Variants in ARSJ observed in about 807,000 individuals in gnomAD.
The protein encoded by ARSJ is arylsulfatase family member J.
A neutral mutation model predicts 35.9 loss-of-function variants in ARSJ; 26 were observed. The observed-to-expected ratio is 0.72, with a 90% CI of 0.53 to 1.00. The LOEUF is 1.00. Ranked by LOEUF, ARSJ falls within the 50% of genes least tolerant of loss-of-function variation. The pLI, the probability that ARSJ is intolerant of heterozygous loss-of-function variation, is 0.00. For missense variants in ARSJ, 667 were observed against 723.6 expected (o/e 0.92, Z 0.90); for synonymous variants, 294 against 267.6 (o/e 1.10, Z -0.96).
intron 1 of ARSJ, among the ~76,000 whole-genome samples, chr4:113,973,945 C>T (rs556944822): frequency 6.6e-5 from 10 of 152,070 alleles, no homozygotes; most frequent in African/African-American, 1.9e-4. Context: ...AAATCGATAG[C>T]GAAAACAATG....
Position 113,979,033 on chromosome 4 carries a change from G to A in ARSJ, c.-199C>T. ...GGATGGGACTCCGGAAGAACAAGGA[G>A]GGCTCGCTCTTCTCCAGCACATTTC... On this transcript the variant is annotated 5_prime_UTR_variant, in exon 1 of 2. Coordinates refer to ENST00000315366, the MANE Select transcript of ARSJ (RefSeq NM_024590.4). 1 of 528,076 alleles carries A rather than the reference G, an allele frequency of 1.9e-6. No homozygotes were observed. The highest frequency in any genetic ancestry group is 3.3e-6 in the Non-Finnish European group (1 of 306,544). 32.7% of individuals were successfully genotyped at this position (528,076 alleles called of 1,614,324 possible).
At chr4:113,925,815 A>G (rs1441628066) in intron 1 of ARSJ, among the ~76,000 whole-genome samples, 1 of 152,156 alleles carries the variant, frequency 6.6e-6, no homozygotes, top group African/African-American at 2.4e-5. Flanking sequence ...CCTTTACATG[A>G]TGCAAGAAGT....
intron 1 of ARSJ, among the ~76,000 whole-genome samples, chr4:113,964,233 A>C (rs1049786157): frequency 6.6e-6 from 1 of 152,094 alleles, no homozygotes; most frequent in African/African-American, 2.4e-5. Context: ...AACTGATGAA[A>C]ACCAGATAAA....
At chr4:113,912,735 ATG>A (rs34936997) in intron 1 of ARSJ, among the ~76,000 whole-genome samples, 91,110 of 147,358 alleles carry the variant, frequency 0.62, 28,410 homozygotes, top group Middle Eastern at 0.72. Flanking sequence ...ATAAATGAGA[ATG>A]TGTGTGTGTG....
intron 1 of ARSJ, among the ~76,000 whole-genome samples, chr4:113,945,734 T>C (rs956552673): frequency 1.3e-5 from 2 of 152,130 alleles, no homozygotes; most frequent in Non-Finnish European, 2.9e-5. Flanking sequence ...TTTATGTATC[T>C]GACATTTATA....
At chr4:113,970,768 A>G (rs1446133525) in intron 1 of ARSJ, 1 of 152,258 alleles carries the variant, frequency 6.6e-6, no homozygotes, top group African/African-American at 2.4e-5. Context: ...CAGCTTGGAC[A>G]ACATGGCAAA....
chr4:113,978,626 G>A lies in ARSJ; in HGVS notation c.209C>T (p.Thr70Ile). The change falls in exon 1 of 2, where the codon ACA (threonine) becomes ATA (isoleucine). Residue 70 changes from threonine (T) to isoleucine (I), a missense_variant. Physicochemically the swap from Thr to Ile is moderately conservative, Grantham distance 89. Coordinates refer to ENST00000315366, the MANE Select transcript of ARSJ (RefSeq NM_024590.4). ...GAGATGGGGCTGGGAGGTGGAAGTT[G>A]TGCTGGGCTCTAGTTTCTCTCCAGC... ...AQAGEKLEPS[T>I]TSTSQPHLIF... 2 of 1,614,174 alleles carry A rather than the reference G, an allele frequency of 1.2e-6. No homozygotes were observed. The highest frequency in any genetic ancestry group is 1.7e-6 in the Non-Finnish European group (2 of 1,180,024).
At position 113,902,731 on chromosome 4, in the gene ARSJ, G is replaced by A; in HGVS notation, c.1343C>T (p.Ala448Val). 2 of 1,614,182 alleles carry A rather than the reference G, an allele frequency of 1.2e-6. No homozygotes were observed. The highest frequency in any genetic ancestry group is 1.7e-6 in the Non-Finnish European group (2 of 1,180,028). Residue 448 changes from alanine to valine, a missense_variant, in exon 2 of 2, where the codon GCC (alanine) becomes GTC (valine). By Grantham distance (64) the Ala-to-Val change is moderately conservative (BLOSUM62 0). Coordinates refer to ENST00000315366, the MANE Select transcript of ARSJ (RefSeq NM_024590.4). The stretch of plus-strand genomic sequence containing the variant: ...CAATTTCCAGTGCTGCACTCTGATG[G>A]CTGACTGGATTGCAGTGTTCCAGAT... ...YGIWNTAIQSAIRVQHWKLLT... is the reference protein window; with the variant it reads ...YGIWNTAIQSVIRVQHWKLLT...
intron 1 of ARSJ, among the ~76,000 whole-genome samples, chr4:113,906,361 A>C (rs866262488): frequency 1.6e-4 from 25 of 152,242 alleles, no homozygotes; most frequent in African/African-American, 6.0e-4. Context: ...AAACGTTTGC[A>C]GAAAAAAAAG....
intron 1 of ARSJ, among the ~76,000 whole-genome samples, chr4:113,921,117 A>ACACTCT (rs70961862): frequency 1.3e-4 from 19 of 149,294 alleles, no homozygotes; most frequent in Admixed American, 4.0e-4. Context: ...ACACACACAC[A>ACACTCT]CTTTAAATAA....
intron 1 of ARSJ, among the ~76,000 whole-genome samples, chr4:113,935,529 G>T (rs182561700): frequency 1.3e-5 from 2 of 151,990 alleles, no homozygotes; most frequent in Admixed American, 1.3e-4. Context: ...AGAAAAATAA[G>T]GAAAGGGTTC....
intron 1 of ARSJ, among the ~76,000 whole-genome samples, chr4:113,933,503 G>C (rs988183998): frequency 3.9e-4 from 59 of 151,758 alleles, no homozygotes; most frequent in African/African-American, 1.4e-3. Context: ...TTTTCACTAT[G>C]ATCAAGTGGG....
intron 1 of ARSJ, among the ~76,000 whole-genome samples, chr4:113,919,075 GT>G (rs1354794354): frequency 6.6e-6 from 1 of 151,948 alleles, no homozygotes; most frequent in Non-Finnish European, 1.5e-5. Context: ...TTTGGCTTTG[GT>G]TTTTACAAAA....
At chr4:113,969,199 T>G (rs1727082343) in intron 1 of ARSJ, among the ~76,000 whole-genome samples, 2 of 152,196 alleles carry the variant, frequency 1.3e-5, no homozygotes, top group African/African-American at 4.8e-5. Context: ...CAATAGATTC[T>G]GCCAAACATG....
intron 1 of ARSJ, among the ~76,000 whole-genome samples, chr4:113,924,985 G>T (rs114823420): frequency 0.032 from 4,817 of 152,150 alleles, 109 homozygotes; most frequent in Non-Finnish European, 0.053. Flanking sequence ...TGGAACATTT[G>T]TAGTCCTGCC....
Position 113,902,817 on chromosome 4 carries a change from C to G in ARSJ, c.1257G>C (p.Leu419Phe). Residue 419 changes from leucine (L) to phenylalanine (F), a missense_variant, in exon 2 of 2, where the codon TTG (leucine) becomes TTC (phenylalanine). Coordinates refer to ENST00000315366, the MANE Select transcript of ARSJ (RefSeq NM_024590.4). ...EGLRSPRVDI[L>F]HNIDPIYTKA... ...TGGTGTATATGGGGTCAATGTTATG[C>G]AAAATATCTACTCGGGGTGAGCGAA... is the stretch of plus-strand genomic sequence containing the variant. The G allele has an allele frequency of 1.2e-6, 2 of 1,614,176 alleles. No individual in the cohort carries two copies. Among genetic ancestry groups the G allele is most frequent in the Non-Finnish European group, 1.7e-6 (2 of 1,180,032 alleles).
intron 1 of ARSJ, among the ~76,000 whole-genome samples, chr4:113,913,519 T>TACTG (rs1594395958): frequency 1.3e-5 from 2 of 152,158 alleles, no homozygotes; most frequent in Non-Finnish European, 2.9e-5. Context: ...ACCAAATACC[T>TACTG]ACTGACATGA....
intron 1 of ARSJ, among the ~76,000 whole-genome samples, chr4:113,925,377 C>A (rs1001712621): frequency 6.6e-6 from 1 of 151,998 alleles, no homozygotes; most frequent in African/African-American, 2.4e-5. Flanking sequence ...CTATTCCACT[C>A]CCACCCCTTG....
In ARSJ at chr4:113,915,703, T is replaced by A. The variant is rs1283906689; in HGVS notation, c.399-12028A>T. On this transcript the variant is annotated intron_variant, in intron 1 of 1. Transcript: ENST00000315366. ...GTGTTGCCTTGAAATACCTCCAGGATGAAATTCTCCCCACTCTACCTCTGG... is the reference window on the plus strand; with the variant it reads ...GTGTTGCCTTGAAATACCTCCAGGAAGAAATTCTCCCCACTCTACCTCTGG... 2.6e-5 allele frequency among the ~76,000 whole-genome samples: 4 copies of A among 152,172 alleles called. No individual in the cohort carries two copies. In the East Asian group the frequency reaches 7.7e-4, roughly 29 times the overall value.
Sources: allele counts gnomAD v4.1 joint callset (sites outside exome capture counted in the v4.1 genomes callset), GRCh38; gene constraint gnomAD v4.1.1; transcripts MANE v1.5; gene names NCBI Gene and HGNC (gene_info 2026-07-23, HGNC 2026-07-21).